GSE1: variants seen among roughly 807,000 people sequenced by gnomAD.
GSE1 encodes the protein Gse1 coiled-coil protein.
In GSE1, 32 loss-of-function variants were observed where a neutral mutation model predicts 112.6. The ratio of observed to expected loss-of-function variants is 0.28; its 90% CI spans 0.21 to 0.38. The LOEUF is 0.38. Among genes scored for constraint, GSE1 ranks in the 10% least tolerant of loss-of-function variants. The pLI is 1.00. For missense variants in GSE1, 2,348 were observed against 1,699.2 expected (o/e 1.38, Z -6.71); for synonymous variants, 1,115 against 735.6 (o/e 1.52, Z -8.35).
intron 2 of GSE1, among the ~76,000 whole-genome samples, chr16:85,452,683 C>G (rs4782704): frequency 0.72 from 109,485 of 152,186 alleles, 43,146 homozygotes; most frequent in Non-Finnish European, 0.88. Flanking sequence ...TAAGGCCTCA[C>G]TGAAATTCAG....
chr16:85,497,841 G>A (rs1477003458), intron 2 of GSE1, among the ~76,000 whole-genome samples: 1 of 152,184 alleles, frequency 6.6e-6, no homozygotes, highest in Non-Finnish European at 1.5e-5. Context: ...AGCACCTGAC[G>A]TGGCAACTCT....
At chr16:85,571,316 G>A (rs913844234) in intron 1 of GSE1, among the ~76,000 whole-genome samples, 5 of 152,238 alleles carry the variant, frequency 3.3e-5, no homozygotes, top group African/African-American at 4.8e-5. Flanking sequence ...GCATAGATCC[G>A]TGGCTATCAG....
At chr16:85,539,531 C>G (rs1019694355) in intron 2 of GSE1, among the ~76,000 whole-genome samples, 1 of 152,148 alleles carries the variant, frequency 6.6e-6, no homozygotes, top group Admixed American at 6.5e-5. Context: ...ATGGATAACT[C>G]GAAATTATAA....
intron 2 of GSE1, among the ~76,000 whole-genome samples, chr16:85,404,617 A>C (rs868290540): frequency 1.9e-5 from 1 of 51,936 alleles, no homozygotes; most frequent in African/African-American, 1.0e-4. Flanking sequence ...CCTCACCGTT[A>C]CACTCAGGGC....
intron 2 of GSE1, among the ~76,000 whole-genome samples, chr16:85,364,617 T>G (rs1165654485): frequency 6.6e-6 from 1 of 152,170 alleles, no homozygotes; most frequent in Non-Finnish European, 1.5e-5. Flanking sequence ...TCTGCTTCCT[T>G]GGGACTTCCA....
intron 1 of GSE1, among the ~76,000 whole-genome samples, chr16:85,223,333 G>A (rs1359716987): frequency 6.6e-6 from 1 of 152,074 alleles, no homozygotes; most frequent in Non-Finnish European, 1.5e-5. Context: ...GACCAGCCTG[G>A]CCAACATGGT....
At chr16:85,264,359 G>T (rs995262859) in intron 1 of GSE1, among the ~76,000 whole-genome samples, 1 of 152,170 alleles carries the variant, frequency 6.6e-6, no homozygotes, top group African/African-American at 2.4e-5. Flanking sequence ...GGGACCGGGT[G>T]AGGTAGAGGG....
chr16:85,639,043 T>A (rs1047634372), intron 2 of GSE1, among the ~76,000 whole-genome samples: 7 of 152,242 alleles, frequency 4.6e-5, no homozygotes, highest in Admixed American at 3.9e-4. Context: ...TTGGGCGTGA[T>A]CCTGAGTTGA....
At position 85,676,099 on chromosome 16, in the gene GSE1, AATTGT is replaced by A. The variant is rs780972335; in HGVS notation, c.*3567_*3571del. The A allele has an allele frequency of 3.3e-5, 5 of 152,816 alleles. 1 individual carries two copies. The East Asian group carries it at 7.7e-4, about 24-fold the overall frequency. The allele number at this position is 152,816 out of a possible 1,614,324, so 9.5% of individuals were successfully genotyped here. ...TGTTCTAAGTGTACTTGTTTGAATTAATTGTATTGTAATATTATTTGTTGAATGTA... is the reference window on the plus strand; with the variant it reads ...TGTTCTAAGTGTACTTGTTTGAATTAATTGTAATATTATTTGTTGAATGTA... On this transcript the variant is annotated 3_prime_UTR_variant, in exon 16 of 16. Coordinates refer to ENST00000253458, the MANE Select transcript of GSE1 (RefSeq NM_014615.5).
At chr16:85,302,962 G>T (rs556141709) in intron 1 of GSE1, among the ~76,000 whole-genome samples, 6 of 152,280 alleles carry the variant, frequency 3.9e-5, no homozygotes, top group Admixed American at 3.9e-4. Flanking sequence ...CCGGAGCCTC[G>T]GCCTCCCCAC....
chr16:85,434,287 G>A (rs1597741878), intron 2 of GSE1, among the ~76,000 whole-genome samples: 1 of 149,104 alleles, frequency 6.7e-6, no homozygotes, highest in East Asian at 2.0e-4. Context: ...GCATGGCCTA[G>A]GAGTCACTAG....
chr16:85,475,800 T>TAA lies in GSE1; in HGVS notation c.2464+118158_2464+118159dup, dbSNP rs1269445869. On this transcript the variant is annotated intron_variant, in intron 2 of 2. Transcript: ENST00000637419. ...TCTTTTTTTTTTTTTTTTTTTTTTT[T>TAA]AATACTAGAGACCGGGTTTCACTCT... 1.2e-4 allele frequency among the ~76,000 whole-genome samples: 18 copies of TAA among 148,200 alleles called. No individual in the cohort carries two copies. In the East Asian group the frequency reaches 1.6e-3, roughly 13 times the overall value.
At chr16:85,478,289 G>T (rs968850010) in intron 2 of GSE1, among the ~76,000 whole-genome samples, 1 of 152,112 alleles carries the variant, frequency 6.6e-6, no homozygotes, top group African/African-American at 2.4e-5. Flanking sequence ...CACCTTGGGA[G>T]GCCGAGGCGG....
intron 1 of GSE1, among the ~76,000 whole-genome samples, chr16:85,319,749 G>A (rs891747770): frequency 1.3e-5 from 2 of 152,202 alleles, no homozygotes; most frequent in Non-Finnish European, 2.9e-5. Flanking sequence ...GCCTCGTACT[G>A]TGTTATTTCA....
chr16:85,644,494 G>C (rs1287595994), intron 2 of GSE1, among the ~76,000 whole-genome samples: 1 of 152,208 alleles, frequency 6.6e-6, no homozygotes, highest in Non-Finnish European at 1.5e-5. Context: ...GCGGGAAGGA[G>C]AGATTCTCTT....
intron 1 of GSE1, among the ~76,000 whole-genome samples, chr16:85,333,437 C>G (rs1348590028): frequency 6.6e-6 from 1 of 152,214 alleles, no homozygotes; most frequent in Non-Finnish European, 1.5e-5. Context: ...CTCCTTGTCT[C>G]TCCTGCCGGC....
chr16:85,302,251 A>G (rs1004286075), intron 1 of GSE1, among the ~76,000 whole-genome samples: 21 of 152,218 alleles, frequency 1.4e-4, no homozygotes, highest in Non-Finnish European at 2.8e-4. Flanking sequence ...AGGAGCCCCA[A>G]TTAATCATTA....
intron 1 of GSE1, among the ~76,000 whole-genome samples, chr16:85,221,275 C>T (rs1053672560): frequency 2.6e-5 from 4 of 151,920 alleles, no homozygotes; most frequent in African/African-American, 9.7e-5. Context: ...GGGAGGTCAG[C>T]TGCAGGCTAC....
At chr16:85,553,870 G>A (rs146881854), upstream of GSE1, among the ~76,000 whole-genome samples, 2,007 of 152,332 alleles carry the variant, frequency 0.013, 19 homozygotes, top group Non-Finnish European at 0.021. Context: ...TGAAGCCGCT[G>A]CATTTAGCAG....
Sources: gnomAD v4.1 joint callset for allele counts (sites outside exome capture counted in the v4.1 genomes callset) on GRCh38, gnomAD v4.1.1 for gene constraint, MANE v1.5 for transcripts, NCBI Gene and HGNC (gene_info 2026-07-23, HGNC 2026-07-21) for gene names.